Variants in CLN8 observed in about 807,000 individuals in gnomAD.
CLN8 encodes CLN8 transmembrane ER and ERGIC protein.
CLN8 carries 14 observed loss-of-function variants against 15.7 expected under a neutral mutation model. That is an observed-to-expected ratio of 0.89 (90% confidence interval 0.59 to 1.39). CLN8 has a LOEUF of 1.39. Among genes scored for constraint, CLN8 ranks in the 40% most tolerant of loss-of-function variants. CLN8 has a pLI of 0.00. For missense variants in CLN8, 415 were observed against 364.0 expected (o/e 1.14, Z -1.14); for synonymous variants, 188 against 151.0 (o/e 1.25, Z -1.80).
rs2129016055 is a variant in CLN8, at chr8:1,783,506, CCTT to C, written c.*2942_*2944del. On this transcript the variant is annotated 3_prime_UTR_variant, in exon 3 of 3. Transcript: ENST00000331222. ...GCGCTTTCTCTTTCGATAGTGAAAT[CCTT>C]CTCTATACCTATGTTTTGTTTTGTT... 6.6e-6 allele frequency: 1 copy of C among 152,336 alleles called. No individual in the cohort carries two copies. Among genetic ancestry groups the C allele is most frequent in the Admixed American group, 6.5e-5 (1 of 15,300 alleles). The allele number at this position is 152,336 out of a possible 1,614,324, so 9.4% of individuals were successfully genotyped here.
intron 1 of CLN8, chr8:1,758,733 G>A (rs1441673451): frequency 6.6e-6 from 1 of 152,180 alleles, no homozygotes; most frequent in Non-Finnish European, 1.5e-5. Context: ...ATTTTCTGAT[G>A]GGCAATTAAT....
intron 2 of CLN8, chr8:1,773,645 G>C (rs1293699392): frequency 6.6e-6 from 1 of 152,368 alleles, no homozygotes; most frequent in Admixed American, 6.5e-5. Flanking sequence ...TTCCATAAGA[G>C]TGCAGACTTC....
Position 1,756,916 on chromosome 8 carries a change from C to G in CLN8, c.-124+834C>G, listed in dbSNP as rs376785767. ...CAGGCTGGTCTAGATCTCCTGACCT[C>G]AAGTGACCCACCCACCTCGGCATCC... is the stretch of plus-strand genomic sequence containing the variant. On this transcript the variant is annotated intron_variant, in intron 1 of 1. Coordinates refer to the CLN8 transcript ENST00000524258. 1.0e-3 allele frequency among the ~76,000 whole-genome samples: 154 copies of G among 152,214 alleles called. 3 individuals are homozygous for G. The South Asian group carries it at 0.031, about 31-fold the overall frequency.
chr8:1,772,750 G>A (rs1380402087), intron 2 of CLN8, among the ~76,000 whole-genome samples: 2 of 151,976 alleles, frequency 1.3e-5, no homozygotes, highest in African/African-American at 2.4e-5. Flanking sequence ...AAAATGCTGG[G>A]ATTACAGGCA....
At position 1,785,097 on chromosome 8, in the gene CLN8, C is replaced by T. The variant is rs1801796649; in HGVS notation, c.*4530C>T. 3 of 155,284 alleles carry T rather than the reference C, an allele frequency of 1.9e-5. No individual in the cohort carries two copies. The highest frequency in any genetic ancestry group is 1.9e-4 in the Admixed American group (3 of 16,054). The allele number at this position is 155,284 out of a possible 1,614,324, so 9.6% of individuals were successfully genotyped here. A position where few individuals can be genotyped will look rare whatever the true frequency, so the allele number is the denominator to read the frequency against. On this transcript the variant is annotated 3_prime_UTR_variant, in exon 3 of 3. Coordinates refer to ENST00000331222, the MANE Select transcript of CLN8 (RefSeq NM_018941.4). ...GTTTGACCAGGTCAGAACTCTTGTTCTATGCGAATGTGCTCACGCAGACAG... is the reference window on the plus strand; with the variant it reads ...GTTTGACCAGGTCAGAACTCTTGTTTTATGCGAATGTGCTCACGCAGACAG...
chr8:1,771,708 C>G, intron 2 of CLN8, 111 bp downstream of exon 2: 1 of 926,804 alleles, frequency 1.1e-6, no homozygotes, highest in Admixed American at 2.0e-5. Context: ...GCAGCACACA[C>G]ATTCAGTTAC....
Position 1,785,647 on chromosome 8 carries a change from G to A in CLN8, c.*5080G>A, listed in dbSNP as rs112257502. The A allele has an allele frequency of 3.9e-3, 282 of 72,434 alleles. No homozygotes were observed. The highest frequency in any genetic ancestry group is 5.8e-3 in the Non-Finnish European group (203 of 35,196). 4.5% of individuals were successfully genotyped at this position (72,434 alleles called of 1,614,324 possible). A position where few individuals can be genotyped will look rare whatever the true frequency, so the allele number is the denominator to read the frequency against. On this transcript the variant is annotated 3_prime_UTR_variant, in exon 3 of 3. Transcript: ENST00000331222. The stretch of plus-strand genomic sequence containing the variant: ...GGCGGCGTGGGGTTAGACAGGTACC[G>A]GTCAGATTACGGTGACACAGGCGGC...
intron 1 of CLN8, chr8:1,764,303 C>CGACGCTGACTTTGGAGTCCTT (rs1800950229): frequency 6.6e-6 from 1 of 152,296 alleles, no homozygotes; most frequent in Non-Finnish European, 1.5e-5. Context: ...CTCCTCACCG[C>CGACGCTGACTTTGGAGTCCTT]GACGCTGACT....
chr8:1,774,447 G>A (rs1801434477), intron 2 of CLN8, among the ~76,000 whole-genome samples: 1 of 152,158 alleles, frequency 6.6e-6, no homozygotes, highest in Admixed American at 6.5e-5. Flanking sequence ...TGTCTAAAAT[G>A]TTGAAATTCT....
rs188259026 is a variant in CLN8 at position 1,771,563 on chromosome 8, C to G, written c.509C>G (p.Thr170Arg). Reference protein sequence around the residue: ...AMTTLLLEMSTPFTCVSWMLL... With the variant: ...AMTTLLLEMSRPFTCVSWMLL... ...ACCACGTTGCTCCTGGAGATGAGCA[C>G]GCCCTTTACCTGCGTTTCCTGGATG... Residue 170 changes from threonine to arginine, a missense_variant, in exon 2 of 3, where the codon ACG (threonine) becomes AGG (arginine). Transcript: ENST00000331222. 6.2e-7 allele frequency: 1 copy of G among 1,614,062 alleles called. No individual in the cohort carries two copies. Among genetic ancestry groups the G allele is most frequent in the Admixed American group, 1.7e-5 (1 of 60,012 alleles).
At position 1,780,264 on chromosome 8, in the gene CLN8, GTC is replaced by G. The variant is rs386834132; in HGVS notation, c.562_563del (p.Leu188ValfsTer58). On this transcript the variant is annotated frameshift_variant, in exon 3 of 3. Transcript: ENST00000331222. LOFTEE classifies it high-confidence loss of function. The stretch of plus-strand genomic sequence containing the variant: ...TCTCCATGCAGGCGGGCTGGTCCGA[GTC>G]TCTGTTTTGGAAGCTCAACCAGTGG... The part of the protein sequence containing the change: ...WMLLKAGWSE[S>X]LFWKLNQWLM... 6 of 1,614,274 alleles carry G rather than the reference GTC, an allele frequency of 3.7e-6. No individual in the cohort carries two copies. Among genetic ancestry groups the G allele is most frequent in the African/African-American group, 1.3e-5 (1 of 75,074 alleles).
chr8:1,779,720 G>A (rs1801648574), intron 2 of CLN8, among the ~76,000 whole-genome samples: 1 of 152,152 alleles, frequency 6.6e-6, no homozygotes, highest in Admixed American at 6.6e-5. Context: ...CCCACTTCCT[G>A]GTTTACATGG....
At chr8:1,760,064 A>C (rs143279741), upstream of CLN8, 3 of 152,072 alleles carry the variant, frequency 2.0e-5, no homozygotes, top group Admixed American at 1.3e-4. Context: ...CTGACACCTC[A>C]ATTAAGTCAT....
rs1801735327 is a variant in CLN8 at position 1,782,581 on chromosome 8, G to A, written c.*2014G>A. The A allele has an allele frequency of 6.6e-6, 1 of 152,176 alleles. No homozygotes were observed. The highest frequency in any genetic ancestry group is 1.5e-5 in the Non-Finnish European group (1 of 68,038). The allele number at this position is 152,176 out of a possible 1,614,324, so 9.4% of individuals were successfully genotyped here. On this transcript the variant is annotated 3_prime_UTR_variant, in exon 3 of 3. Coordinates refer to ENST00000331222, the MANE Select transcript of CLN8 (RefSeq NM_018941.4). ...GGTGTCCCTGCTGAAACTTTTAACT[G>A]GAAACCTCACACCTGGCAGGCAGCA...
chr8:1,763,178 G>T (rs1392058035), upstream of CLN8: 1 of 151,930 alleles, frequency 6.6e-6, no homozygotes, highest in African/African-American at 2.4e-5. Context: ...CCCGGAGCGC[G>T]ACTCAGCCGC....
rs895081508 is a variant in CLN8, at chr8:1,778,374, G to C, written c.544-1876G>C. 1.1e-4 allele frequency among the ~76,000 whole-genome samples: 16 copies of C among 152,218 alleles called. 1 individual carries two copies. Among genetic ancestry groups the C allele is most frequent in the Admixed American group, 8.5e-4 (13 of 15,284 alleles). On this transcript the variant is annotated intron_variant, in intron 2 of 2. Transcript: ENST00000331222. ...TCTTCACATTTCATTTCAATCCCAT[G>C]TCACTTAACCATCCGGAACTGACAG...
intron 2 of CLN8, among the ~76,000 whole-genome samples, chr8:1,773,430 C>A (rs987071341): frequency 6.6e-6 from 1 of 152,060 alleles, no homozygotes; most frequent in African/African-American, 2.4e-5. Flanking sequence ...GTAGAACTTA[C>A]CAAGGAAGAA....
chr8:1,771,495 T>G lies in CLN8; in HGVS notation c.441T>G (p.Leu147=). Residue 147 remains leucine, a synonymous_variant, in exon 2 of 3, where the codon CTT becomes CTG. Transcript: ENST00000331222. Reference sequence around the variant, plus strand: ...ATCTCTTTGCCTTTCTTGGGTTTCTTGGCTGCTTGGTCAATCTCCAAGCTG... The same window carrying G: ...ATCTCTTTGCCTTTCTTGGGTTTCTGGGCTGCTTGGTCAATCTCCAAGCTG... The part of the protein sequence containing the change: ...IHHLFAFLGF[L]GCLVNLQAGH... 6.2e-7 allele frequency: 1 copy of G among 1,614,226 alleles called. No homozygotes were observed. Among genetic ancestry groups the G allele is most frequent in the Non-Finnish European group, 8.5e-7 (1 of 1,180,038 alleles).
At chr8:1,762,293 T>C (rs1376487053), upstream of CLN8, 2 of 152,218 alleles carry the variant, frequency 1.3e-5, no homozygotes, top group African/African-American at 2.4e-5. Context: ...TTCAAGCAAT[T>C]CTGCTTCAGC....
Sources: allele counts gnomAD v4.1 joint callset (sites outside exome capture counted in the v4.1 genomes callset), GRCh38; gene constraint gnomAD v4.1.1; transcripts MANE v1.5; gene names NCBI Gene and HGNC (gene_info 2026-07-23, HGNC 2026-07-21).